The following ZNF420 variants were observed in gnomAD, a reference collection of about 807,000 sequenced individuals.
The protein encoded by ZNF420 is ATM and p53-associated KZNF protein.
In ZNF420, 31 loss-of-function variants were observed where a neutral mutation model predicts 44.7. The observed-to-expected ratio is 0.69, with a 90% CI of 0.52 to 0.94. The LOEUF is 0.94. Ranked by LOEUF, ZNF420 falls within the 40% of genes least tolerant of loss-of-function variation. The pLI is 0.00. For missense variants in ZNF420, 681 were observed against 827.9 expected (o/e 0.82, Z 2.18); for synonymous variants, 245 against 267.4 (o/e 0.92, Z 0.82).
intron 1 of ZNF420, among the ~76,000 whole-genome samples, chr19:37,050,031 T>C (rs959625024): frequency 1.3e-5 from 2 of 152,222 alleles, no homozygotes; most frequent in African/African-American, 2.4e-5. Flanking sequence ...GTTGTAGATA[T>C]GCGGCATTAT....
chr19:37,018,646 C>T (rs1451794670), intron 1 of ZNF420, among the ~76,000 whole-genome samples: 1 of 152,232 alleles, frequency 6.6e-6, no homozygotes, highest in Non-Finnish European at 1.5e-5. Context: ...TAGCTCACTG[C>T]AACTTCTGCC....
chr19:37,053,985 C>G (rs918457844), intron 1 of ZNF420, among the ~76,000 whole-genome samples: 5 of 152,192 alleles, frequency 3.3e-5, no homozygotes, highest in Non-Finnish European at 5.9e-5. Context: ...AGCAGGCCTC[C>G]CTGAGCTGCG....
At chr19:37,042,358 G>A (rs1301816763) in intron 1 of ZNF420, among the ~76,000 whole-genome samples, 1 of 152,226 alleles carries the variant, frequency 6.6e-6, no homozygotes, top group Non-Finnish European at 1.5e-5. Flanking sequence ...GAATCATCCT[G>A]AAGGCAATTT....
chr19:37,053,702 C>G (rs1158587979), intron 1 of ZNF420, among the ~76,000 whole-genome samples: 2 of 152,092 alleles, frequency 1.3e-5, no homozygotes, highest in African/African-American at 4.8e-5. Flanking sequence ...GATGTTGCTG[C>G]CTGATCGTTC....
chr19:37,094,284 C>T (rs1000417276), intron 4 of ZNF420, among the ~76,000 whole-genome samples: 7 of 151,978 alleles, frequency 4.6e-5, no homozygotes, highest in East Asian at 1.9e-4. Flanking sequence ...TTTTATCTTA[C>T]GGGCTTAAAA....
chr19:37,036,556 CT>C (rs1967358396), intron 1 of ZNF420, among the ~76,000 whole-genome samples: 1 of 152,164 alleles, frequency 6.6e-6, no homozygotes, highest in African/African-American at 2.4e-5. Context: ...AATCCTCCTG[CT>C]TTTGGTCATT....
In ZNF420 at chr19:37,130,354, C is replaced by A; in HGVS notation, c.*1296C>A. On this transcript the variant is annotated 3_prime_UTR_variant, in exon 5 of 5. Coordinates refer to ENST00000337995, the MANE Select transcript of ZNF420 (RefSeq NM_144689.5). ...AGTTCTGTTATTGACAATAAAAATTCTTAAGGATATAAAATTTTGTACCTG... is the reference window on the plus strand; with the variant it reads ...AGTTCTGTTATTGACAATAAAAATTATTAAGGATATAAAATTTTGTACCTG... 1 of 1,277,854 alleles carries A rather than the reference C, an allele frequency of 7.8e-7. No individual in the cohort carries two copies. The highest frequency in any genetic ancestry group is 2.8e-5 in the South Asian group (1 of 35,406). 79.2% of individuals were successfully genotyped at this position (1,277,854 alleles called of 1,614,324 possible). A position where few individuals can be genotyped will look rare whatever the true frequency, so the allele number is the denominator to read the frequency against.
At chr19:37,125,177 T>G (rs998370709) in intron 4 of ZNF420, among the ~76,000 whole-genome samples, 6 of 152,124 alleles carry the variant, frequency 3.9e-5, no homozygotes, top group Non-Finnish European at 8.8e-5. Flanking sequence ...TCCATGAGAT[T>G]ATAGAACCCT....
At chr19:37,026,546 C>T (rs1444775048) in intron 1 of ZNF420, among the ~76,000 whole-genome samples, 3 of 151,960 alleles carry the variant, frequency 2.0e-5, no homozygotes, top group South Asian at 2.1e-4. Flanking sequence ...CTCAAACTCC[C>T]GACTTCAGGT....
At chr19:37,117,800 C>CA (rs915690112) in intron 4 of ZNF420, among the ~76,000 whole-genome samples, 1 of 152,050 alleles carries the variant, frequency 6.6e-6, no homozygotes, top group Non-Finnish European at 1.5e-5. Flanking sequence ...AGCTGAAAGC[C>CA]AAGGCTCAAG....
rs143386185 is a variant in ZNF420 at position 37,045,524 on chromosome 19, C to A, written c.-124-34821C>A. 2.0e-5 allele frequency among the ~76,000 whole-genome samples: 3 copies of A among 152,316 alleles called. No individual in the cohort carries two copies. The East Asian group carries it at 5.8e-4, about 29-fold the overall frequency. On this transcript the variant is annotated intron_variant, in intron 1 of 4. Coordinates refer to the ZNF420 transcript ENST00000587029. ...TGGATTTGTTAAAGGCATTGTCTTT[C>A]TTGGACTATTTGCATCTTTGTAGAG...
chr19:37,116,368 C>CAAAG (rs1211328468), intron 4 of ZNF420, among the ~76,000 whole-genome samples: 5 of 75,900 alleles, frequency 6.6e-5, no homozygotes, highest in Admixed American at 5.7e-4. Context: ...GACTCCACCT[C>CAAAG]AAAAAAAAAA....
At chr19:37,030,909 T>A (rs1034846588) in intron 1 of ZNF420, among the ~76,000 whole-genome samples, 1 of 152,182 alleles carries the variant, frequency 6.6e-6, no homozygotes, top group African/African-American at 2.4e-5. Flanking sequence ...TTGTTTTATT[T>A]TGCTGTGTTT....
intron 1 of ZNF420, among the ~76,000 whole-genome samples, chr19:37,022,463 C>T (rs980520240): frequency 2.0e-5 from 3 of 152,116 alleles, no homozygotes; most frequent in Admixed American, 6.6e-5. Context: ...ATGAGACCCT[C>T]TCATGGTTTT....
At chr19:37,099,765 A>G (rs1345866465) in intron 4 of ZNF420, among the ~76,000 whole-genome samples, 1 of 152,188 alleles carries the variant, frequency 6.6e-6, no homozygotes, top group African/African-American at 2.4e-5. Context: ...CTGGGACTAC[A>G]GGCACATGCC....
chr19:37,026,444 C>G (rs1332157389), intron 1 of ZNF420, among the ~76,000 whole-genome samples: 2 of 152,148 alleles, frequency 1.3e-5, no homozygotes, highest in Non-Finnish European at 2.9e-5. Context: ...CTTAACTTCC[C>G]AAGTAGCTGG....
Position 37,063,912 on chromosome 19 carries a change from G to A in ZNF420, c.-124-16433G>A, listed in dbSNP as rs73625218. Among the ~76,000 whole-genome samples, 1,323 of 152,284 alleles carry A rather than the reference G, an allele frequency of 8.7e-3. 20 individuals are homozygous for A. Among genetic ancestry groups the A allele is most frequent in the African/African-American group, 0.03 (1,251 of 41,546 alleles). ...ATCATGCATTGCCTTTAGATGTCAT[G>A]TCTCTTTAATCTCCTTTAGTCTGAT... On this transcript the variant is annotated intron_variant, in intron 1 of 4. Transcript: ENST00000587029.
At chr19:37,029,669 G>A in intron 1 of ZNF420, among the ~76,000 whole-genome samples, 1 of 151,758 alleles carries the variant, frequency 6.6e-6, no homozygotes, top group Admixed American at 6.6e-5. Flanking sequence ...TTACAGGCAT[G>A]TGCCACCACA....
At chr19:37,013,184 G>A (rs1413223252) in intron 1 of ZNF420, among the ~76,000 whole-genome samples, 1 of 151,970 alleles carries the variant, frequency 6.6e-6, no homozygotes, top group Admixed American at 6.6e-5. Context: ...TTTAGGAGCC[G>A]GGCCCATGTA....
Sources: gnomAD v4.1 joint callset for allele counts (sites outside exome capture counted in the v4.1 genomes callset) on GRCh38, gnomAD v4.1.1 for gene constraint, MANE v1.5 for transcripts, NCBI Gene and HGNC (gene_info 2026-07-23, HGNC 2026-07-21) for gene names.